SYT1: variants seen among roughly 807,000 people sequenced by gnomAD.
SYT1 encodes the protein synaptotagmin 1, also known as synaptotagmin-1.
In SYT1, 8 loss-of-function variants were observed where a neutral mutation model predicts 44.8. The ratio of observed to expected loss-of-function variants is 0.18; its 90% CI spans 0.10 to 0.32. SYT1 has a LOEUF of 0.32. SYT1 is among the 10% of genes least tolerant of loss of function. The pLI is 1.00. For synonymous variants in SYT1, 154 were observed against 188.8 expected (o/e 0.82, Z 1.51); for missense variants, 286 against 509.3 (o/e 0.56, Z 4.22).
chr12:79,260,490 C>G (rs917737871), intron 4 of SYT1, among the ~76,000 whole-genome samples: 2 of 152,214 alleles, frequency 1.3e-5, no homozygotes, highest in Non-Finnish European at 2.9e-5. Flanking sequence ...GCTTCAGTAA[C>G]TCTGAGCCAG....
At chr12:79,270,649 C>T (rs1334182998) in intron 4 of SYT1, among the ~76,000 whole-genome samples, 1 of 152,144 alleles carries the variant, frequency 6.6e-6, no homozygotes, top group African/African-American at 2.4e-5. Context: ...ATACAAAAGA[C>T]AATGAATTAT....
intron 3 of SYT1, among the ~76,000 whole-genome samples, chr12:79,085,123 T>G (rs1877295128): frequency 6.6e-6 from 1 of 152,202 alleles, no homozygotes; most frequent in South Asian, 2.1e-4. Flanking sequence ...CTCAGCCACC[T>G]ATGTGGACAA....
At chr12:79,147,986 T>C (rs748042707) in intron 3 of SYT1, among the ~76,000 whole-genome samples, 10 of 152,096 alleles carry the variant, frequency 6.6e-5, no homozygotes, top group Non-Finnish European at 1.3e-4. Flanking sequence ...AATTACTTAC[T>C]GAAGGTAATT....
At chr12:79,207,689 G>A (rs1239971103) in intron 3 of SYT1, among the ~76,000 whole-genome samples, 1 of 152,090 alleles carries the variant, frequency 6.6e-6, no homozygotes, top group Non-Finnish European at 1.5e-5. Context: ...AACAAATCTA[G>A]AAAAAAATGA....
At chr12:79,119,077 C>T (rs1385698539) in intron 3 of SYT1, among the ~76,000 whole-genome samples, 1 of 152,078 alleles carries the variant, frequency 6.6e-6, no homozygotes, top group Non-Finnish European at 1.5e-5. Flanking sequence ...CTCCATTACC[C>T]CTAATATATT....
chr12:79,295,760 A>G (rs1001338177), intron 6 of SYT1, among the ~76,000 whole-genome samples: 1 of 152,196 alleles, frequency 6.6e-6, no homozygotes, highest in African/African-American at 2.4e-5. Context: ...TAGCAACTGG[A>G]AAGTTATTTG....
At chr12:79,059,859 T>G (rs1052654561) in intron 3 of SYT1, among the ~76,000 whole-genome samples, 3 of 152,088 alleles carry the variant, frequency 2.0e-5, no homozygotes, top group African/African-American at 7.2e-5. Context: ...AAGTGCATTT[T>G]CATATCTATA....
At chr12:79,409,024 C>G (rs968194925) in intron 9 of SYT1, among the ~76,000 whole-genome samples, 1 of 151,980 alleles carries the variant, frequency 6.6e-6, no homozygotes, top group African/African-American at 2.4e-5. Context: ...GCATTACATT[C>G]TCAGGTGTAA....
intron 3 of SYT1, among the ~76,000 whole-genome samples, chr12:79,086,050 A>G (rs757132398): frequency 1.3e-5 from 2 of 152,134 alleles, no homozygotes; most frequent in Non-Finnish European, 2.9e-5. Flanking sequence ...ACTACTCTAC[A>G]AGCAGTTTAC....
At chr12:78,915,053 G>C (rs902338287) in intron 1 of SYT1, among the ~76,000 whole-genome samples, 1 of 151,474 alleles carries the variant, frequency 6.6e-6, no homozygotes, top group South Asian at 2.1e-4. Context: ...AGATAGACTG[G>C]AACTCAACTA....
At chr12:79,138,422 T>G (rs1869337462) in intron 3 of SYT1, among the ~76,000 whole-genome samples, 1 of 152,224 alleles carries the variant, frequency 6.6e-6, no homozygotes, top group South Asian at 2.1e-4. Flanking sequence ...TTTGCTGCAT[T>G]TCCCAAAGGC....
At chr12:79,158,896 A>C (rs1477620562) in intron 3 of SYT1, among the ~76,000 whole-genome samples, 1 of 123,022 alleles carries the variant, frequency 8.1e-6, no homozygotes, top group Non-Finnish European at 1.7e-5. Flanking sequence ...ACCTTGTCTC[A>C]AAAAAAAAAA....
intron 3 of SYT1, among the ~76,000 whole-genome samples, chr12:79,177,058 T>TG (rs397816816): frequency 4.7e-5 from 7 of 148,878 alleles, no homozygotes; most frequent in African/African-American, 1.7e-4. Context: ...TGTTTTTTTT[T>TG]ATTATACTCT....
intron 1 of SYT1, among the ~76,000 whole-genome samples, chr12:78,894,600 G>A (rs903481866): frequency 4.0e-5 from 6 of 151,468 alleles, no homozygotes; most frequent in Admixed American, 3.3e-4. Flanking sequence ...GCTTATCAGA[G>A]ATCTTGGACA....
chr12:79,382,050 T>G (rs1167386117), intron 9 of SYT1, among the ~76,000 whole-genome samples: 1 of 152,132 alleles, frequency 6.6e-6, no homozygotes, highest in Non-Finnish European at 1.5e-5. Context: ...TGCGGTATGC[T>G]TATTAAGACC....
At chr12:79,102,098 G>T (rs1415479937) in intron 3 of SYT1, among the ~76,000 whole-genome samples, 1 of 151,846 alleles carries the variant, frequency 6.6e-6, no homozygotes, top group Non-Finnish European at 1.5e-5. Context: ...CCTCCTAATT[G>T]GTCTTTGATC....
chr12:79,314,762 T>C (rs987323813), intron 8 of SYT1, among the ~76,000 whole-genome samples: 2 of 152,274 alleles, frequency 1.3e-5, no homozygotes, highest in African/African-American at 4.8e-5. Context: ...AAAAAAAATG[T>C]ACAACAACAG....
At chr12:78,973,352 T>C (rs909376955) in intron 1 of SYT1, among the ~76,000 whole-genome samples, 3 of 152,184 alleles carry the variant, frequency 2.0e-5, no homozygotes, top group African/African-American at 4.8e-5. Context: ...CCTGAACTTA[T>C]TCCTTCTAAC....
At chr12:79,119,659 A>C (rs1879486755) in intron 3 of SYT1, among the ~76,000 whole-genome samples, 1 of 149,884 alleles carries the variant, frequency 6.7e-6, no homozygotes, top group African/African-American at 2.5e-5. Context: ...GAATTTGTTA[A>C]CTAAATGTCT....
Sources: allele counts gnomAD v4.1 joint callset (sites outside exome capture counted in the v4.1 genomes callset), GRCh38; gene constraint gnomAD v4.1.1; transcripts MANE v1.5; gene names NCBI Gene and HGNC (gene_info 2026-07-23, HGNC 2026-07-21).